FBXW11: variants seen among roughly 807,000 people sequenced by gnomAD.
FBXW11 encodes the protein F-box and WD repeat domain containing 11.
FBXW11 carries 19 observed loss-of-function variants against 77.6 expected under a neutral mutation model. The observed-to-expected ratio is 0.24, with a 90% confidence interval of 0.17 to 0.36. The LOEUF (loss-of-function observed/expected upper bound fraction) is 0.36. FBXW11 is among the 10% of genes least tolerant of loss of function. FBXW11 has a pLI of 1.00. For missense variants in FBXW11, 334 were observed against 704.2 expected, an observed-to-expected ratio of 0.47 and a Z score of 5.95; for synonymous variants, 235 against 249.4, an observed-to-expected ratio of 0.94 and a Z score of 0.54.
At chr5:171,902,046 C>G (rs540914312) in intron 4 of FBXW11, among the ~76,000 whole-genome samples, 1 of 152,220 alleles carries the variant, frequency 6.6e-6, no homozygotes, top group Non-Finnish European at 1.5e-5. Context: ...AGCACTGATG[C>G]CGCATCAATA....
chr5:171,925,059 G>T (rs1761816966), intron 2 of FBXW11, among the ~76,000 whole-genome samples: 1 of 152,170 alleles, frequency 6.6e-6, no homozygotes, highest in African/African-American at 2.4e-5. Context: ...AAGTGGGCAA[G>T]ATACCTCCAA....
rs777147293 is a variant in FBXW11 at position 171,904,482 on chromosome 5, C to CA, written c.437-4383dup. On this transcript the variant is annotated intron_variant, in intron 4 of 13. Transcript: ENST00000517395. The surrounding 1 kb of genome is among the most constrained non-coding windows in gnomAD (Gnocchi z 4.0). ...GGGTTACTGATTTTCAAAACAACAG[C>CA]AAAAAGAAAAGATCCCCCCAATCTT... is the stretch of plus-strand genomic sequence containing the variant. Among the ~76,000 whole-genome samples, 3 of 151,930 alleles carry CA rather than the reference C, an allele frequency of 2.0e-5. No individual in the cohort carries two copies. Among genetic ancestry groups the CA allele is most frequent in the Non-Finnish European group, 4.4e-5 (3 of 67,988 alleles).
At chr5:171,992,072 A>G (rs181345517) in intron 1 of FBXW11, among the ~76,000 whole-genome samples, 1,850 of 148,458 alleles carry the variant, frequency 0.012, 41 homozygotes, top group African/African-American at 0.042. Context: ...CTGAGATCGC[A>G]CCACTGCCTT....
chr5:171,892,292 A>G (rs1468995117), intron 6 of FBXW11, among the ~76,000 whole-genome samples: 1 of 152,246 alleles, frequency 6.6e-6, no homozygotes, highest in South Asian at 2.1e-4. Flanking sequence ...GAGAGACACT[A>G]AACTAAGTGT....
At chr5:171,967,458 A>G (rs1166615191) in intron 1 of FBXW11, among the ~76,000 whole-genome samples, 2 of 152,244 alleles carry the variant, frequency 1.3e-5, no homozygotes, top group African/African-American at 4.8e-5. Flanking sequence ...GAAAGTTACA[A>G]TACACGGAAA....
At chr5:171,906,221 A>G (rs1473755654) in intron 4 of FBXW11, among the ~76,000 whole-genome samples, 3 of 148,092 alleles carry the variant, frequency 2.0e-5, no homozygotes, top group Non-Finnish European at 4.5e-5. Context: ...TTTCCCACCC[A>G]CCCGTGTTAT....
At chr5:171,882,076 C>T (rs1460454623) in intron 7 of FBXW11, among the ~76,000 whole-genome samples, 2 of 152,102 alleles carry the variant, frequency 1.3e-5, no homozygotes, top group Non-Finnish European at 2.9e-5. Flanking sequence ...TTGATCTCTG[C>T]CCTACTTTTC....
At chr5:172,001,077 C>T (rs755606645) in intron 1 of FBXW11, among the ~76,000 whole-genome samples, 2 of 152,202 alleles carry the variant, frequency 1.3e-5, no homozygotes, top group African/African-American at 2.4e-5. Flanking sequence ...GTCCTATAAA[C>T]AACACACCAC....
At chr5:171,917,805 T>C (rs921900284) in intron 2 of FBXW11, among the ~76,000 whole-genome samples, 1 of 150,160 alleles carries the variant, frequency 6.7e-6, no homozygotes, top group African/African-American at 2.4e-5. Context: ...TGTGTAAATA[T>C]ATATATTCAA....
At chr5:171,867,505 A>G (rs1294364126) in intron 13 of FBXW11, among the ~76,000 whole-genome samples, 1 of 151,608 alleles carries the variant, frequency 6.6e-6, no homozygotes, top group Non-Finnish European at 1.5e-5. Context: ...AAAAAAAAAA[A>G]CGGGTAGTGA....
chr5:171,971,923 G>T (rs1216128774), intron 1 of FBXW11, among the ~76,000 whole-genome samples: 1 of 151,966 alleles, frequency 6.6e-6, no homozygotes, highest in Non-Finnish European at 1.5e-5. Flanking sequence ...AGTCGAGGCT[G>T]CAGTGAGCCG....
At chr5:171,928,444 T>A (rs971576588) in intron 2 of FBXW11, among the ~76,000 whole-genome samples, 2 of 152,154 alleles carry the variant, frequency 1.3e-5, no homozygotes, top group Admixed American at 6.5e-5. Flanking sequence ...GACAACATAA[T>A]CTTGAAACAC....
intron 2 of FBXW11, among the ~76,000 whole-genome samples, chr5:171,950,358 A>T (rs1763239911): frequency 6.6e-6 from 1 of 151,968 alleles, no homozygotes; most frequent in South Asian, 2.1e-4. Context: ...AGCTGTACAC[A>T]CTTAAGATTT....
chr5:172,004,869 A>G (rs112560445), intron 1 of FBXW11, among the ~76,000 whole-genome samples: 25 of 136,074 alleles, frequency 1.8e-4, no homozygotes, highest in African/African-American at 7.3e-4. Context: ...CCCCACGTGC[A>G]CACACACACA....
chr5:171,871,702 T>G (rs886352614), intron 10 of FBXW11, among the ~76,000 whole-genome samples: 1 of 152,208 alleles, frequency 6.6e-6, no homozygotes, highest in Non-Finnish European at 1.5e-5. Context: ...AGCAAATTAA[T>G]TCTATAACTT....
chr5:171,892,567 A>G (rs1554096790), intron 6 of FBXW11, among the ~76,000 whole-genome samples: 2 of 152,224 alleles, frequency 1.3e-5, no homozygotes, highest in Non-Finnish European at 2.9e-5. Context: ...AAAAGTGCCA[A>G]ATGAGTGATA....
In FBXW11 at chr5:171,864,099, A is replaced by C. The variant is rs1757235704; in HGVS notation, c.*28T>G. The stretch of plus-strand genomic sequence containing the variant: ...GTAGCCAGTAGTTCAAGACTAGAAA[A>C]CCCTGAGGAAAGAAAAACAGAAGCA... On this transcript the variant is annotated splice_region_variant and 3_prime_UTR_variant, in exon 14 of 14. Transcript: ENST00000517395. The C allele has an allele frequency of 6.6e-6, 1 of 152,124 alleles. No individual in the cohort carries two copies. 9.4% of individuals were successfully genotyped at this position (152,124 alleles called of 1,614,324 possible). A position where few individuals can be genotyped will look rare whatever the true frequency, so the allele number is the denominator to read the frequency against.
intron 1 of FBXW11, among the ~76,000 whole-genome samples, chr5:171,978,987 A>G (rs1397059594): frequency 2.6e-5 from 4 of 152,218 alleles, no homozygotes; most frequent in Non-Finnish European, 5.9e-5. Flanking sequence ...AGCATGTTTC[A>G]TGCAGAGAAT....
intron 1 of FBXW11, among the ~76,000 whole-genome samples, chr5:171,976,376 A>G (rs1581060172): frequency 6.6e-6 from 1 of 152,162 alleles, no homozygotes. Context: ...CTTTTGATAT[A>G]AGATAGTAAT....
Sources: allele counts gnomAD v4.1 joint callset (sites outside exome capture counted in the v4.1 genomes callset), GRCh38; gene constraint gnomAD v4.1.1; non-coding constraint Gnocchi (gnomAD v3.1); transcripts MANE v1.5; gene names NCBI Gene and HGNC (gene_info 2026-07-23, HGNC 2026-07-21).